The following NFKBID variants were observed in gnomAD, a reference collection of about 807,000 sequenced individuals.
The protein encoded by NFKBID is NFKB inhibitor delta.
A neutral mutation model predicts 53.4 loss-of-function variants in NFKBID; 26 were observed. The ratio of observed to expected loss-of-function variants is 0.49; its 90% CI spans 0.36 to 0.68. The LOEUF (loss-of-function observed/expected upper bound fraction) is 0.68, where lower values mean the gene tolerates loss of function less well. Ranked by LOEUF, NFKBID falls within the 30% of genes least tolerant of loss-of-function variation. The pLI is 0.00. For missense variants in NFKBID, 493 were observed against 614.1 expected (o/e 0.80, Z 2.08); for synonymous variants, 262 against 259.8 (o/e 1.01, Z -0.08).
At chr19:35,890,530 C>A (rs371587361) in intron 9 of NFKBID, 40 bp from the exon 10 acceptor site, 202 of 1,359,972 alleles carry the variant, frequency 1.5e-4, no homozygotes, top group Admixed American at 2.5e-4. Flanking sequence ...GCCAGCCTCA[C>A]ACCTAGGTGC....
chr19:35,898,796 G>T, exon 2 of NFKBID: 1 of 1,536,082 alleles, frequency 6.5e-7, no homozygotes, highest in Non-Finnish European at 8.7e-7. Flanking sequence ...GTTTGCGTTG[G>T]GCAGTGGCTG....
In NFKBID at chr19:35,898,838, GA is replaced by G. The variant is rs746332071; in HGVS notation, c.62-17del. ...CCCCTGCTCACTGTGCGGGAGAGGA[GA>G]GGGGGAAGTCATCAAGGGTCCTTAA... On this transcript the variant is annotated splice_polypyrimidine_tract_variant and intron_variant, in intron 1 of 11. Coordinates refer to ENST00000641389, the Ensembl canonical transcript of NFKBID. The G allele has an allele frequency of 9.1e-6, 14 of 1,531,318 alleles. No homozygotes were observed. The South Asian group carries it at 1.3e-4, about 14-fold the overall frequency. 94.9% of individuals were successfully genotyped at this position (1,531,318 alleles called of 1,614,324 possible).
At position 35,896,675 on chromosome 19, in the gene NFKBID, C is replaced by A; in HGVS notation, c.684+51G>T. On this transcript the variant is annotated intron_variant, in intron 6 of 11. Coordinates refer to ENST00000641389, the Ensembl canonical transcript of NFKBID. The surrounding 1 kb of genome is among the most constrained non-coding windows in gnomAD (Gnocchi z 5.7). The stretch of plus-strand genomic sequence containing the variant: ...TCTCTAGGATCCAGGGGTCCAGGCC[C>A]CAGGCTCCTTCCTCCCCTGAACCCA... The A allele has an allele frequency of 6.3e-7, 1 of 1,578,812 alleles. No homozygotes were observed. The highest frequency in any genetic ancestry group is 8.7e-7 in the Non-Finnish European group (1 of 1,151,982).
rs377224031 is a variant in NFKBID, at chr19:35,889,926, G to C, written c.1278C>G (p.Pro426=). ...CCGGCCCGGGCCGCAGCAGGTGAAC[G>C]GGCTGCTCATTCTCCAGGTTGCGCA... The change falls in exon 11 of 12, where the codon CCC becomes CCG. Residue 426 remains proline (P), a synonymous_variant. Coordinates refer to ENST00000641389, the Ensembl canonical transcript of NFKBID. 83 of 1,611,516 alleles carry C rather than the reference G, an allele frequency of 5.2e-5. 1 individual carries two copies. The Admixed American group carries it at 6.0e-4, about 12-fold the overall frequency.
At chr19:35,900,069 A>AC (rs1975465515) in intron 1 of NFKBID, among the ~76,000 whole-genome samples, 4 of 8,838 alleles carry the variant, frequency 4.5e-4, no homozygotes, top group Non-Finnish European at 7.7e-4. Flanking sequence ...ATTTTAAGCA[A>AC]CCACGCCCCC....
At chr19:35,889,866 C>T (rs753963883) in intron 11 of NFKBID, 24 bp downstream of exon 11, 13 of 1,586,342 alleles carry the variant, frequency 8.2e-6, no homozygotes, top group Admixed American at 1.7e-5. Flanking sequence ...GGCCACTCTA[C>T]AGGCAGGCTC....
intron 9 of NFKBID, among the ~76,000 whole-genome samples, chr19:35,892,342 G>A (rs946597979): frequency 3.3e-5 from 5 of 151,980 alleles, no homozygotes; most frequent in East Asian, 1.9e-4. Context: ...ATGAGCCACC[G>A]CACCCAGCCA....
Position 35,895,847 on chromosome 19 carries a change from G to A in NFKBID, c.1032+133C>T, listed in dbSNP as rs1348373086. 6 of 757,966 alleles carry A rather than the reference G, an allele frequency of 7.9e-6. No individual in the cohort carries two copies. In the African/African-American group the frequency reaches 1.0e-4, roughly 13 times the overall value. The allele number at this position is 757,966 out of a possible 1,614,324, so 47.0% of individuals were successfully genotyped here. ...AAACAAAAAACCCCTAAGGCACAGAGAAGTGAAGTAACATGTTCAAGGGCA... is the reference window on the plus strand; with the variant it reads ...AAACAAAAAACCCCTAAGGCACAGAAAAGTGAAGTAACATGTTCAAGGGCA... On this transcript the variant is annotated intron_variant, in intron 9 of 11. Transcript: ENST00000641389.
rs759409420 is a variant in NFKBID, at chr19:35,898,736, C to T, written c.148G>A (p.Asp50Asn). The change falls in exon 2 of 12, where the codon GAC becomes AAC. Residue 50 changes from aspartate to asparagine, a missense_variant. Coordinates refer to ENST00000641389, the Ensembl canonical transcript of NFKBID. ...GGCCTCACCTGCACCCCGCCAGCGT[C>T]GGGCTGCTGCTGCTGGCGGCGCCTC... 42 of 1,535,904 alleles carry T rather than the reference C, an allele frequency of 2.7e-5. No homozygotes were observed. In the South Asian group the frequency reaches 4.3e-4, roughly 16 times the overall value.
intron 9 of NFKBID, 57 bp downstream of exon 9, chr19:35,895,923 C>T: frequency 1.3e-6 from 2 of 1,548,724 alleles, no homozygotes; most frequent in Non-Finnish European, 1.8e-6. Context: ...CCCGGACATC[C>T]AAGTGGCCCC....
At chr19:35,889,215 G>A (rs376315775) in intron 11 of NFKBID, among the ~76,000 whole-genome samples, 1 of 151,530 alleles carries the variant, frequency 6.6e-6, no homozygotes. Flanking sequence ...AATTAGCTGG[G>A]TGTGGTGGTG....
At position 35,896,673 on chromosome 19, in the gene NFKBID, C is replaced by T; in HGVS notation, c.684+53G>A. The T allele has an allele frequency of 6.4e-7, 1 of 1,566,988 alleles. No homozygotes were observed. Among genetic ancestry groups the T allele is most frequent in the Non-Finnish European group, 8.7e-7 (1 of 1,143,126 alleles). On this transcript the variant is annotated intron_variant, in intron 6 of 11. Transcript: ENST00000641389. The surrounding 1 kb of genome is among the most constrained non-coding windows in gnomAD (Gnocchi z 5.7). ...CTTCTCTAGGATCCAGGGGTCCAGG[C>T]CCCAGGCTCCTTCCTCCCCTGAACC...
chr19:35,898,555 G>T, intron 2 of NFKBID, 23 bp from the exon 3 acceptor site: 1 of 1,515,344 alleles, frequency 6.6e-7, no homozygotes, highest in South Asian at 1.2e-5. Flanking sequence ...AAGCAAAAAG[G>T]AACCCAGGTG....
At position 35,897,860 on chromosome 19, in the gene NFKBID, C is replaced by A. The variant is rs757869269; in HGVS notation, c.227-4G>T. ...TGTGCTGGGAAGGGAGGGTGGCCTG[C>A]GTGTAAGAGGAGGGGCAGGGGCAGG... On this transcript the variant is annotated splice_region_variant and splice_polypyrimidine_tract_variant and intron_variant, in intron 3 of 11. Coordinates refer to ENST00000641389, the Ensembl canonical transcript of NFKBID. 3 of 1,539,800 alleles carry A rather than the reference C, an allele frequency of 1.9e-6. No individual in the cohort carries two copies. The highest frequency in any genetic ancestry group is 3.9e-5 in the Admixed American group (2 of 51,156).
At chr19:35,890,265 G>T in intron 10 of NFKBID, 109 bp downstream of exon 10, 1 of 888,902 alleles carries the variant, frequency 1.1e-6, no homozygotes, top group Non-Finnish European at 1.8e-6. Flanking sequence ...TTCCCCTGCA[G>T]ATCCCACACA....
chr19:35,902,085 C>T, upstream of NFKBID: 1 of 683,680 alleles, frequency 1.5e-6, no homozygotes, highest in Middle Eastern at 2.5e-4. Context: ...ATCCCCTGAA[C>T]TCCTAAATGC....
At chr19:35,890,838 T>G (rs1247890536) in intron 9 of NFKBID, 1 of 351,788 alleles carries the variant, frequency 2.8e-6, no homozygotes, top group Non-Finnish European at 5.6e-6. Flanking sequence ...CACTCCAGCA[T>G]GGGTGACAGA....
At chr19:35,889,756 G>A in intron 11 of NFKBID, 134 bp downstream of exon 11, 3 of 890,680 alleles carry the variant, frequency 3.4e-6, no homozygotes, top group South Asian at 1.6e-5. Flanking sequence ...TAGAGTCAGG[G>A]TTGCCTGAGG....
chr19:35,899,557 T>TA (rs566857686), intron 1 of NFKBID: 9,233 of 53,470 alleles, frequency 0.17, 1,704 homozygotes, highest in Non-Finnish European at 0.27. Context: ...GAGACTCCAT[T>TA]AAAAAAAAAA....
Sources: gnomAD v4.1 joint callset for allele counts (sites outside exome capture counted in the v4.1 genomes callset) on GRCh38, gnomAD v4.1.1 for gene constraint, Gnocchi (gnomAD v3.1) non-coding constraint, MANE v1.5 for transcripts, NCBI Gene and HGNC (gene_info 2026-07-23, HGNC 2026-07-21) for gene names.